The following HULC variants were observed in gnomAD, a reference collection of about 807,000 sequenced individuals.
The protein encoded by HULC is hepatocellular carcinoma up-regulated long non-coding RNA.
At position 8,653,332 on chromosome 6, in the gene HULC, T is replaced by TA. The variant is rs761699202; in HGVS notation, n.313+106120dup. The stretch of plus-strand genomic sequence containing the variant: ...AATTGATGCTTTTCTCTCTTTTTTT[T>TA]AATCATTGAAAAGTGAATGGAGAGA... On this transcript the variant is annotated intron_variant and non_coding_transcript_variant, in intron 3 of 8. Transcript: ENST00000645747. The surrounding 1 kb of genome is among the most constrained non-coding windows in gnomAD (Gnocchi z 4.3). Among the ~76,000 whole-genome samples, 4 of 152,198 alleles carry TA rather than the reference T, an allele frequency of 2.6e-5. No individual in the cohort carries two copies. Among genetic ancestry groups the TA allele is most frequent in the Non-Finnish European group, 4.4e-5 (3 of 68,028 alleles).
rs1767325608 is a variant in HULC at position 8,653,254 on chromosome 6, G to T, written n.313+106040G>T. ...TTTTCAATTGTTTAGGGCCTTGCTGGAATTTAACACAAGGCAGAGAATAAG... is the reference window on the plus strand; with the variant it reads ...TTTTCAATTGTTTAGGGCCTTGCTGTAATTTAACACAAGGCAGAGAATAAG... On this transcript the variant is annotated intron_variant and non_coding_transcript_variant, in intron 3 of 8. Transcript: ENST00000645747. The surrounding 1 kb of genome is among the most constrained non-coding windows in gnomAD (Gnocchi z 4.3). 6.6e-6 allele frequency: 1 copy of T among 152,068 alleles called. No homozygotes were observed. The allele number at this position is 152,068 out of a possible 1,614,324, so 9.4% of individuals were successfully genotyped here.
rs1767333154 is a variant in HULC, at chr6:8,653,574, T to G, written n.313+106360T>G. The G allele has an allele frequency of 6.6e-6, 1 of 152,162 alleles. No homozygotes were observed. The highest frequency in any genetic ancestry group is 2.1e-4 in the South Asian group (1 of 4,832). The allele number at this position is 152,162 out of a possible 1,614,324, so 9.4% of individuals were successfully genotyped here. A position where few individuals can be genotyped will look rare whatever the true frequency, so the allele number is the denominator to read the frequency against. The stretch of plus-strand genomic sequence containing the variant: ...GCATATGTATCTTTGGAAGAAACTC[T>G]GAAGTAAAGGCCGGAATATTCTTTG... On this transcript the variant is annotated intron_variant and non_coding_transcript_variant, in intron 3 of 8. Coordinates refer to ENST00000645747, the Ensembl canonical transcript of HULC. The surrounding 1 kb of genome is among the most constrained non-coding windows in gnomAD (Gnocchi z 4.3).
Position 8,653,014 on chromosome 6 carries a change from A to C in HULC, n.313+105800A>C, listed in dbSNP as rs7763881. The stretch of plus-strand genomic sequence containing the variant: ...GGAAATGTAGTTCCAGTTTGTCTGA[A>C]TTGACCTATTGCAAATCCACAACAC... On this transcript the variant is annotated intron_variant and non_coding_transcript_variant, in intron 3 of 8. Transcript: ENST00000645747. This position sits in a 1 kb window ranked among gnomAD's most constrained non-coding sequence, Gnocchi z 4.3. 66,877 of 152,044 alleles carry C rather than the reference A, an allele frequency of 0.44. 15,029 individuals are homozygous for C. The highest frequency in any genetic ancestry group is 0.46 in the Non-Finnish European group (31,166 of 67,978). 9.4% of individuals were successfully genotyped at this position (152,044 alleles called of 1,614,324 possible).
rs1249832976 is a variant in HULC at position 8,652,655 on chromosome 6, C to T, written n.313+105441C>T. Reference sequence around the variant, plus strand: ...TGGGACCCATTAGCCCCTCTTACCACCTGTTAGCCTCCATCTTTGATTATG... The same window carrying T: ...TGGGACCCATTAGCCCCTCTTACCATCTGTTAGCCTCCATCTTTGATTATG... On this transcript the variant is annotated intron_variant and non_coding_transcript_variant, in intron 3 of 8. Coordinates refer to ENST00000645747, the Ensembl canonical transcript of HULC. This position sits in a 1 kb window ranked among gnomAD's most constrained non-coding sequence, Gnocchi z 5.0. 1 of 152,232 alleles carries T rather than the reference C, an allele frequency of 6.6e-6. No homozygotes were observed. The highest frequency in any genetic ancestry group is 2.4e-5 in the African/African-American group (1 of 41,430). The allele number at this position is 152,232 out of a possible 1,614,324, so 9.4% of individuals were successfully genotyped here. A position where few individuals can be genotyped will look rare whatever the true frequency, so the allele number is the denominator to read the frequency against.
chr6:8,652,462 G>A lies in HULC; in HGVS notation n.313+105248G>A, dbSNP rs1767314620. ...CCTAAGCGGACTGAGACACGTGAAG[G>A]TGGACTGAGACACATGAAGCAGTCA... On this transcript the variant is annotated intron_variant and non_coding_transcript_variant, in intron 3 of 8. Transcript: ENST00000645747. This position sits in a 1 kb window ranked among gnomAD's most constrained non-coding sequence, Gnocchi z 5.0. The A allele has an allele frequency of 6.6e-5, 10 of 152,260 alleles. No homozygotes were observed. The highest frequency in any genetic ancestry group is 6.5e-4 in the Admixed American group (10 of 15,274). The allele number at this position is 152,260 out of a possible 1,614,324, so 9.4% of individuals were successfully genotyped here.
Position 8,652,334 on chromosome 6 carries a change from A to T in HULC, n.313+105120A>T, listed in dbSNP as rs1269050937. 1 of 152,296 alleles carries T rather than the reference A, an allele frequency of 6.6e-6. No individual in the cohort carries two copies. The highest frequency in any genetic ancestry group is 1.9e-4 in the East Asian group (1 of 5,176). 9.4% of individuals were successfully genotyped at this position (152,296 alleles called of 1,614,324 possible). On this transcript the variant is annotated intron_variant and non_coding_transcript_variant, in intron 3 of 8. Transcript: ENST00000645747. This position sits in a 1 kb window ranked among gnomAD's most constrained non-coding sequence, Gnocchi z 5.0. ...CAAGCCAGGAAGAGTCGTCACGAGA[A>T]CCAGACCATGCAGGAACTCTGATCG...
At position 8,652,722 on chromosome 6, in the gene HULC, C is replaced by A; in HGVS notation, n.313+105508C>A. 1 of 152,372 alleles carries A rather than the reference C, an allele frequency of 6.6e-6. No individual in the cohort carries two copies. Among genetic ancestry groups the A allele is most frequent in the Non-Finnish European group, 1.5e-5 (1 of 68,140 alleles). 9.4% of individuals were successfully genotyped at this position (152,372 alleles called of 1,614,324 possible). A position where few individuals can be genotyped will look rare whatever the true frequency, so the allele number is the denominator to read the frequency against. On this transcript the variant is annotated intron_variant and non_coding_transcript_variant, in intron 3 of 8. Coordinates refer to ENST00000645747, the Ensembl canonical transcript of HULC. The surrounding 1 kb of genome is among the most constrained non-coding windows in gnomAD (Gnocchi z 5.0). Reference sequence around the variant, plus strand: ...GAAGCTGGAGCTTTTCCTCATGGAGCTAAATCTGCTGCTGCCATGGGTGTG... The same window carrying A: ...GAAGCTGGAGCTTTTCCTCATGGAGATAAATCTGCTGCTGCCATGGGTGTG...
In HULC at chr6:8,653,835, G is replaced by A. The variant is rs1317663717; in HGVS notation, n.313+106621G>A. ...CTAAATTAAAATGAAATAAAATGAT[G>A]TCCATTCTTAATTCATCCTCACAAC... On this transcript the variant is annotated intron_variant and non_coding_transcript_variant, in intron 3 of 8. Coordinates refer to ENST00000645747, the Ensembl canonical transcript of HULC. The surrounding 1 kb of genome is among the most constrained non-coding windows in gnomAD (Gnocchi z 4.3). 6.6e-6 allele frequency: 1 copy of A among 152,072 alleles called. No individual in the cohort carries two copies. The highest frequency in any genetic ancestry group is 6.5e-5 in the Admixed American group (1 of 15,272). The allele number at this position is 152,072 out of a possible 1,614,324, so 9.4% of individuals were successfully genotyped here.
In HULC at chr6:8,652,387, T is replaced by C. The variant is rs1401071019; in HGVS notation, n.313+105173T>C. On this transcript the variant is annotated intron_variant and non_coding_transcript_variant, in intron 3 of 8. Transcript: ENST00000645747. This position sits in a 1 kb window ranked among gnomAD's most constrained non-coding sequence, Gnocchi z 5.0. ...GACATTTCAACCTCCAGAACTGTGA[T>C]CCAGTAAGTGTTGTTTAAGCCACCC... 6.6e-6 allele frequency: 1 copy of C among 152,276 alleles called. No individual in the cohort carries two copies. The highest frequency in any genetic ancestry group is 1.5e-5 in the Non-Finnish European group (1 of 68,100). The allele number at this position is 152,276 out of a possible 1,614,324, so 9.4% of individuals were successfully genotyped here. A position where few individuals can be genotyped will look rare whatever the true frequency, so the allele number is the denominator to read the frequency against.
chr6:8,652,885 A>G lies in HULC; in HGVS notation n.313+105671A>G, dbSNP rs1413031603. 1.3e-5 allele frequency: 2 copies of G among 152,200 alleles called. No individual in the cohort carries two copies. Among genetic ancestry groups the G allele is most frequent in the African/African-American group, 4.8e-5 (2 of 41,432 alleles). 9.4% of individuals were successfully genotyped at this position (152,200 alleles called of 1,614,324 possible). On this transcript the variant is annotated intron_variant and non_coding_transcript_variant, in intron 3 of 8. Transcript: ENST00000645747. The surrounding 1 kb of genome is among the most constrained non-coding windows in gnomAD (Gnocchi z 5.0). ...CTGACGCCCCTGTGGACCTTTATAG[A>G]ATGCAAAGAGTATGGCTGCTACTTC...
Position 8,652,761 on chromosome 6 carries a change from G to A in HULC, n.313+105547G>A, listed in dbSNP as rs982483696. 1 of 152,350 alleles carries A rather than the reference G, an allele frequency of 6.6e-6. No individual in the cohort carries two copies. The highest frequency in any genetic ancestry group is 1.5e-5 in the Non-Finnish European group (1 of 68,182). The allele number at this position is 152,350 out of a possible 1,614,324, so 9.4% of individuals were successfully genotyped here. ...GCCATGGGTGTGATAAGCTGAAGGA[G>A]GGGAGTGGGAAGGAGCTGAGGAGCT... is the stretch of plus-strand genomic sequence containing the variant. On this transcript the variant is annotated intron_variant and non_coding_transcript_variant, in intron 3 of 8. Transcript: ENST00000645747. The surrounding 1 kb of genome is among the most constrained non-coding windows in gnomAD (Gnocchi z 5.0).
Sources: allele counts gnomAD v4.1 joint callset (sites outside exome capture counted in the v4.1 genomes callset), GRCh38; gene constraint gnomAD v4.1.1; non-coding constraint Gnocchi (gnomAD v3.1); transcripts MANE v1.5; gene names NCBI Gene and HGNC (gene_info 2026-07-23, HGNC 2026-07-21).